The following HECW2 variants were observed in gnomAD, a reference collection of about 807,000 sequenced individuals.
The protein encoded by HECW2 is E3 ubiquitin-protein ligase HECW2.
A neutral mutation model predicts 175.2 loss-of-function variants in HECW2; 61 were observed. The observed-to-expected ratio is 0.35, with a 90% CI of 0.28 to 0.43. The LOEUF is 0.43. Ranked by LOEUF, HECW2 falls within the 20% of genes least tolerant of loss-of-function variation. The pLI, the probability that HECW2 is intolerant of heterozygous loss-of-function variation, is 1.00. For synonymous variants in HECW2, 671 were observed against 731.0 expected (o/e 0.92, Z 1.32); for missense variants, 1,524 against 2,000.5 (o/e 0.76, Z 4.54).
chr2:196,275,696 G>A (rs1348142716), intron 15 of HECW2, among the ~76,000 whole-genome samples: 2 of 151,322 alleles, frequency 1.3e-5, no homozygotes, highest in Non-Finnish European at 2.9e-5. Flanking sequence ...TGGTTGCAGT[G>A]AGCAAAGATC....
intron 17 of HECW2, among the ~76,000 whole-genome samples, chr2:196,266,168 T>TA (rs56260949): frequency 0.065 from 8,818 of 135,028 alleles, 471 homozygotes; most frequent in East Asian, 0.17. Context: ...CCATCTCTAT[T>TA]AAAAAAAAAA....
At chr2:196,254,629 A>C (rs1043148944) in intron 18 of HECW2, among the ~76,000 whole-genome samples, 3 of 152,222 alleles carry the variant, frequency 2.0e-5, no homozygotes, top group Non-Finnish European at 2.9e-5. Context: ...TGTTTCTGAT[A>C]TTCTCCTAAA....
intron 2 of HECW2, among the ~76,000 whole-genome samples, chr2:196,401,194 T>C (rs1186793656): frequency 6.6e-6 from 1 of 152,042 alleles, no homozygotes; most frequent in African/African-American, 2.4e-5. Flanking sequence ...ATTTGTAATA[T>C]CAAATATTAA....
chr2:196,355,523 G>A (rs115844653), intron 2 of HECW2, among the ~76,000 whole-genome samples: 4,165 of 152,272 alleles, frequency 0.027, 175 homozygotes, highest in African/African-American at 0.093. Context: ...ACTTTCATAA[G>A]AAAGAGCAGA....
chr2:196,511,361 A>T (rs1378254401), intron 1 of HECW2, among the ~76,000 whole-genome samples: 1 of 152,262 alleles, frequency 6.6e-6, no homozygotes, highest in Admixed American at 6.5e-5. Context: ...GTTAAGGTAG[A>T]AATGGACTTT....
At chr2:196,458,477 G>T (rs1481622446) in intron 1 of HECW2, among the ~76,000 whole-genome samples, 1 of 151,408 alleles carries the variant, frequency 6.6e-6, no homozygotes, top group African/African-American at 2.4e-5. Context: ...CACCCCAAGG[G>T]GATGAAAATA....
At chr2:196,419,567 G>T (rs1031884344) in intron 2 of HECW2, among the ~76,000 whole-genome samples, 6 of 152,128 alleles carry the variant, frequency 3.9e-5, no homozygotes, top group Admixed American at 3.3e-4. Flanking sequence ...TGTGGTCTTT[G>T]TAATATTGTT....
intron 1 of HECW2, among the ~76,000 whole-genome samples, chr2:196,479,704 C>G (rs1396894723): frequency 6.6e-6 from 1 of 152,172 alleles, no homozygotes; most frequent in African/African-American, 2.4e-5. Flanking sequence ...CCACCAGCAA[C>G]CTCTCCAGAT....
At chr2:196,269,754 T>C (rs1315024472) in intron 17 of HECW2, among the ~76,000 whole-genome samples, 1 of 152,110 alleles carries the variant, frequency 6.6e-6, no homozygotes, top group African/African-American at 2.4e-5. Context: ...ACAAAAGTCA[T>C]AAAGTCAAAC....
intron 14 of HECW2, among the ~76,000 whole-genome samples, chr2:196,280,968 A>G (rs1179356213): frequency 6.6e-6 from 1 of 152,214 alleles, no homozygotes; most frequent in Non-Finnish European, 1.5e-5. Flanking sequence ...GAAAAATACA[A>G]AGAGCATAAA....
chr2:196,306,741 C>T, intron 12 of HECW2, 129 bp from the exon 13 acceptor site: 1 of 937,640 alleles, frequency 1.1e-6, no homozygotes, highest in Non-Finnish European at 1.5e-6. Flanking sequence ...TTTAATCCCC[C>T]AATGCTTTTT....
intron 13 of HECW2, among the ~76,000 whole-genome samples, chr2:196,297,348 G>C (rs1382572053): frequency 6.6e-6 from 1 of 152,126 alleles, no homozygotes; most frequent in African/African-American, 2.4e-5. Context: ...TGAATTTCTT[G>C]AGTGGAGTTT....
At chr2:196,543,705 T>C (rs1689305618) in intron 1 of HECW2, among the ~76,000 whole-genome samples, 1 of 152,294 alleles carries the variant, frequency 6.6e-6, no homozygotes. Context: ...TTCCGCCTGC[T>C]GGGTTCAAGC....
At chr2:196,571,021 A>T (rs1163855981) in intron 1 of HECW2, among the ~76,000 whole-genome samples, 1 of 152,194 alleles carries the variant, frequency 6.6e-6, no homozygotes, top group Non-Finnish European at 1.5e-5. Context: ...TCTTTCCCTA[A>T]ATATATTTCC....
At chr2:196,422,162 T>G (rs1249851868) in intron 2 of HECW2, among the ~76,000 whole-genome samples, 2 of 152,158 alleles carry the variant, frequency 1.3e-5, no homozygotes, top group African/African-American at 4.8e-5. Context: ...TAACCCCTAG[T>G]ATCTATTCTT....
chr2:196,253,665 A>T (rs889892561), intron 19 of HECW2, among the ~76,000 whole-genome samples: 1 of 152,222 alleles, frequency 6.6e-6, no homozygotes, highest in Admixed American at 6.5e-5. Flanking sequence ...ATATTGTATG[A>T]TATAACATCA....
intron 26 of HECW2, among the ~76,000 whole-genome samples, chr2:196,218,783 T>A (rs1052229840): frequency 6.6e-6 from 1 of 152,216 alleles, no homozygotes; most frequent in Non-Finnish European, 1.5e-5. Context: ...TCAGAGAAAT[T>A]GTGCTCTCAG....
At chr2:196,506,708 T>A (rs1307661717) in intron 1 of HECW2, among the ~76,000 whole-genome samples, 1 of 151,962 alleles carries the variant, frequency 6.6e-6, no homozygotes, top group Non-Finnish European at 1.5e-5. Context: ...CAAAAATGTA[T>A]TACTATCATA....
At chr2:196,538,880 C>T (rs1689109039) in intron 1 of HECW2, among the ~76,000 whole-genome samples, 1 of 152,136 alleles carries the variant, frequency 6.6e-6, no homozygotes, top group Admixed American at 6.5e-5. Flanking sequence ...CTCTACCAAT[C>T]AACGCACCAC....
Sources: gnomAD v4.1 joint callset for allele counts (sites outside exome capture counted in the v4.1 genomes callset) on GRCh38, gnomAD v4.1.1 for gene constraint, MANE v1.5 for transcripts, NCBI Gene and HGNC (gene_info 2026-07-23, HGNC 2026-07-21) for gene names.